Variants in TENM1 observed in about 807,000 individuals in gnomAD.
The protein encoded by TENM1 is teneurin-1.
Under a neutral mutation model 174.8 loss-of-function variants are expected in TENM1, and 35 were observed. The ratio of observed to expected loss-of-function variants is 0.20; its 90% confidence interval spans 0.15 to 0.27. TENM1 has a LOEUF of 0.27. Among genes scored for constraint, TENM1 ranks in the 10% least tolerant of loss-of-function variants. TENM1 has a pLI of 1.00. For missense variants in TENM1, 1,633 were observed against 2,130.1 expected (o/e 0.77, Z 4.59); for synonymous variants, 781 against 798.7 (o/e 0.98, Z 0.37).
chrX:124,766,810 C>T (rs933265607), intron 3 of TENM1, among the ~76,000 whole-genome samples: 2 of 111,250 alleles, frequency 1.8e-5, no homozygotes, highest in African/African-American at 6.5e-5. Flanking sequence ...CTTAGAAAAT[C>T]TTCACCTGAC....
the TENM1 span, among the ~76,000 whole-genome samples, chrX:125,149,771 C>A: frequency 1.8e-5 from 2 of 111,083 alleles, no homozygotes; most frequent in African/African-American, 6.5e-5. Context: ...AGTAAGAATA[C>A]CCTGATAAAA....
chrX:124,655,095 A>C (rs755637829), intron 6 of TENM1, among the ~76,000 whole-genome samples: 1 of 111,708 alleles, frequency 9.0e-6, no homozygotes, highest in East Asian at 2.8e-4. Flanking sequence ...CAAGTTCCCA[A>C]GTGATGCCCA....
At chrX:124,456,960 C>G (rs1210636766) in intron 22 of TENM1, among the ~76,000 whole-genome samples, 1 of 111,819 alleles carries the variant, frequency 8.9e-6, no homozygotes, top group Non-Finnish European at 1.9e-5. Flanking sequence ...AAGATTTAAA[C>G]TGTACTAAGA....
the TENM1 span, among the ~76,000 whole-genome samples, chrX:125,147,149 A>AC: frequency 1.0e-5 from 1 of 99,266 alleles, no homozygotes; most frequent in Non-Finnish European, 2.2e-5. Context: ...GTGTATATAT[A>AC]TCACATATAT....
the TENM1 span, among the ~76,000 whole-genome samples, chrX:124,978,084 G>A: frequency 9.2e-6 from 1 of 108,113 alleles, no homozygotes; most frequent in African/African-American, 3.4e-5. Context: ...CAAGTCAGCT[G>A]ATTGTCTCTT....
At chrX:124,967,642 A>G (rs1458147511), upstream of TENM1, among the ~76,000 whole-genome samples, 1 of 111,533 alleles carries the variant, frequency 9.0e-6, no homozygotes. Flanking sequence ...ATCTCTGTTA[A>G]TGGCCACATT....
intron 3 of TENM1, among the ~76,000 whole-genome samples, chrX:124,857,227 G>T (rs2056831101): frequency 9.1e-6 from 1 of 110,424 alleles, no homozygotes; most frequent in Admixed American, 9.6e-5. Context: ...TATCAGCGGG[G>T]AAAAATAATT....
At chrX:125,056,488 C>G in the TENM1 span, among the ~76,000 whole-genome samples, 13 of 111,435 alleles carry the variant, frequency 1.2e-4, no homozygotes, top group Non-Finnish European at 2.3e-4. Flanking sequence ...CATTGTACCA[C>G]TGGTAATTAA....
intron 4 of TENM1, among the ~76,000 whole-genome samples, chrX:124,705,728 A>T (rs1343697632): frequency 8.9e-6 from 1 of 112,336 alleles, no homozygotes; most frequent in East Asian, 2.8e-4. Context: ...ATTATCAAAT[A>T]TACAGCCAAG....
intron 1 of TENM1, among the ~76,000 whole-genome samples, chrX:124,909,400 T>G (rs2057800654): frequency 8.9e-6 from 1 of 112,051 alleles, no homozygotes; most frequent in African/African-American, 3.2e-5. Flanking sequence ...TTCATTCAGT[T>G]CACTGCTGTC....
intron 11 of TENM1, among the ~76,000 whole-genome samples, chrX:124,626,653 A>G: frequency 8.9e-6 from 1 of 112,046 alleles, no homozygotes; most frequent in East Asian, 2.8e-4. Context: ...ACTTTTATCT[A>G]TTACCTGCTC....
At chrX:124,584,692 C>T (rs2049442045) in intron 11 of TENM1, among the ~76,000 whole-genome samples, 1 of 110,805 alleles carries the variant, frequency 9.0e-6, no homozygotes, top group East Asian at 2.8e-4. Context: ...ACAATATTAA[C>T]CTTAAATGTA....
the TENM1 span, among the ~76,000 whole-genome samples, chrX:125,042,551 T>C: frequency 9.0e-6 from 1 of 111,358 alleles, no homozygotes; most frequent in Non-Finnish European, 1.9e-5. Context: ...CTGGATAAAC[T>C]AATCAGGCAA....
rs183618435 is a variant in TENM1, at chrX:124,691,142, A to G, written c.1015+13871T>C. 7.1e-3 allele frequency among the ~76,000 whole-genome samples: 795 copies of G among 111,671 alleles called. 6 individuals carry two copies. The highest frequency in any genetic ancestry group is 9.1e-3 in the Non-Finnish European group (486 of 53,165). On this transcript the variant is annotated intron_variant, in intron 5 of 31. Coordinates refer to ENST00000422452, the Ensembl canonical transcript of TENM1. ...GCTTATCCTATAAGATGCACAAAACAGTATTGGAATTATTATAGCAAAACC... is the reference window on the plus strand; with the variant it reads ...GCTTATCCTATAAGATGCACAAAACGGTATTGGAATTATTATAGCAAAACC...
chrX:124,641,837 T>C, exon 11 of TENM1: 2 of 1,211,852 alleles, frequency 1.7e-6, no homozygotes, highest in Non-Finnish European at 2.2e-6. Flanking sequence ...AGCTGCATAC[T>C]CCAGCGTCCA....
chrX:125,037,622 C>T, the TENM1 span, among the ~76,000 whole-genome samples: 2 of 111,045 alleles, frequency 1.8e-5, no homozygotes, highest in African/African-American at 6.5e-5. Flanking sequence ...TGTGCCAAAA[C>T]GATCCTGTCC....
At chrX:125,163,466 G>T in the TENM1 span, among the ~76,000 whole-genome samples, 1 of 111,254 alleles carries the variant, frequency 9.0e-6, no homozygotes, top group East Asian at 2.8e-4. Context: ...GTATTTTTAA[G>T]GATGGAGCAG....
At chrX:124,516,337 A>G (rs1602579944) in intron 18 of TENM1, among the ~76,000 whole-genome samples, 1 of 112,202 alleles carries the variant, frequency 8.9e-6, no homozygotes, top group Non-Finnish European at 1.9e-5. Context: ...CAACAAAAGC[A>G]AAAATTGACA....
chrX:124,895,885 A>G (rs924843186), intron 2 of TENM1, 96 bp downstream of exon 5: 2 of 1,035,841 alleles, frequency 1.9e-6, no homozygotes, highest in Non-Finnish European at 2.6e-6. Flanking sequence ...TGCATATTAA[A>G]TGAAAGAAGG....
Sources: allele counts gnomAD v4.1 joint callset (sites outside exome capture counted in the v4.1 genomes callset), GRCh38; gene constraint gnomAD v4.1.1; transcripts MANE v1.5; gene names NCBI Gene and HGNC (gene_info 2026-07-23, HGNC 2026-07-21).